Variants in TNR observed in about 807,000 individuals in gnomAD.
TNR encodes the protein tenascin R, also known as tenascin-R.
TNR carries 45 observed loss-of-function variants against 150.4 expected under a neutral mutation model. That is an observed-to-expected ratio of 0.30 (90% CI 0.24 to 0.38). The LOEUF (loss-of-function observed/expected upper bound fraction) is 0.38. Among genes scored for constraint, TNR ranks in the 10% least tolerant of loss-of-function variants. The pLI, the probability that TNR is intolerant of heterozygous loss-of-function variation, is 1.00. For missense variants in TNR, 1,544 were observed against 1,759.1 expected (o/e 0.88, Z 2.19); for synonymous variants, 687 against 678.4 (o/e 1.01, Z -0.20).
rs1664879723 is a variant in TNR, at chr1:175,649,057, G to A, written c.-165+94169C>T. ...TCCCCATAGCCGGAGGGATTGCAAAGCCAGGAGAGGCCATGCCCCTCCCTG... is the reference window on the plus strand; with the variant it reads ...TCCCCATAGCCGGAGGGATTGCAAAACCAGGAGAGGCCATGCCCCTCCCTG... On this transcript the variant is annotated intron_variant, in intron 1 of 22. Transcript: ENST00000367674. 2.0e-5 allele frequency among the ~76,000 whole-genome samples: 3 copies of A among 152,170 alleles called. No individual in the cohort carries two copies. The South Asian group carries it at 6.2e-4, about 32-fold the overall frequency.
At position 175,319,746 on chromosome 1, in the gene TNR, T is replaced by TTGGAGACGTGG. The variant is rs1648946121; in HGVS notation, c.*3610_*3611insCCACGTCTCCA. ...GTTTTCCTGAGTCCTGGTTTGGCTC[T>TTGGAGACGTGG]CCTGGAAACTTGGAGACGTGGCCTT... On this transcript the variant is annotated 3_prime_UTR_variant, in exon 23 of 23. Coordinates refer to ENST00000367674, the MANE Select transcript of TNR (RefSeq NM_003285.3). 6.6e-6 allele frequency: 1 copy of TTGGAGACGTGG among 152,288 alleles called. No individual in the cohort carries two copies. Among genetic ancestry groups the TTGGAGACGTGG allele is most frequent in the Non-Finnish European group, 1.5e-5 (1 of 68,052 alleles). 9.4% of individuals were successfully genotyped at this position (152,288 alleles called of 1,614,324 possible).
intron 2 of TNR, among the ~76,000 whole-genome samples, chr1:175,463,910 A>G (rs539580885): frequency 2.0e-5 from 3 of 152,368 alleles, no homozygotes; most frequent in East Asian, 1.9e-4. Flanking sequence ...AACCAACTCC[A>G]TTATCTGCTT....
intron 2 of TNR, among the ~76,000 whole-genome samples, chr1:175,451,247 T>A (rs1656303098): frequency 6.6e-6 from 1 of 151,052 alleles, no homozygotes; most frequent in Admixed American, 6.6e-5. Flanking sequence ...ATACTTTAAG[T>A]TCTAGGGTAC....
intron 8 of TNR, among the ~76,000 whole-genome samples, chr1:175,380,957 T>G (rs1652646742): frequency 1.3e-5 from 2 of 152,196 alleles, no homozygotes; most frequent in Admixed American, 6.5e-5. Context: ...TGAAATGCCG[T>G]GAATCAATGT....
At chr1:175,643,952 C>A (rs1300166526) in intron 1 of TNR, among the ~76,000 whole-genome samples, 1 of 152,176 alleles carries the variant, frequency 6.6e-6, no homozygotes, top group African/African-American at 2.4e-5. Flanking sequence ...TGCACACAGA[C>A]CACCCAGGAT....
chr1:175,741,482 A>G (rs1166569046), intron 1 of TNR, among the ~76,000 whole-genome samples: 1 of 152,156 alleles, frequency 6.6e-6, no homozygotes, highest in Non-Finnish European at 1.5e-5. Context: ...CTATCCACTC[A>G]CTTGTTCAAA....
intron 2 of TNR, among the ~76,000 whole-genome samples, chr1:175,445,709 C>G (rs1484914552): frequency 2.0e-5 from 3 of 152,142 alleles, no homozygotes; most frequent in Non-Finnish European, 4.4e-5. Flanking sequence ...AATGGAGAAC[C>G]AATATTTCCC....
rs1430452003 is a variant in TNR at position 175,319,770 on chromosome 1, T to C, written c.*3587A>G. ...CTCCTGGAAACTTGGAGACGTGGCCTTTCTCAACCCCGCTGACGTTTCACA... is the reference window on the plus strand; with the variant it reads ...CTCCTGGAAACTTGGAGACGTGGCCCTTCTCAACCCCGCTGACGTTTCACA... On this transcript the variant is annotated 3_prime_UTR_variant, in exon 23 of 23. Coordinates refer to ENST00000367674, the MANE Select transcript of TNR (RefSeq NM_003285.3). 4.6e-5 allele frequency: 7 copies of C among 152,240 alleles called. No individual in the cohort carries two copies. The highest frequency in any genetic ancestry group is 8.8e-5 in the Non-Finnish European group (6 of 68,044). 9.4% of individuals were successfully genotyped at this position (152,240 alleles called of 1,614,324 possible).
chr1:175,483,494 G>A (rs898621279), intron 2 of TNR, among the ~76,000 whole-genome samples: 1 of 152,186 alleles, frequency 6.6e-6, no homozygotes, highest in East Asian at 1.9e-4. Flanking sequence ...CTTCAGTATG[G>A]CTGGAACATG....
At chr1:175,523,809 T>C (rs537654032) in intron 2 of TNR, among the ~76,000 whole-genome samples, 1 of 152,312 alleles carries the variant, frequency 6.6e-6, no homozygotes, top group East Asian at 1.9e-4. Context: ...TTGTTCCCAT[T>C]GTTTGCAAGA....
chr1:175,525,185 C>A (rs1479541284), intron 2 of TNR, among the ~76,000 whole-genome samples: 1 of 152,180 alleles, frequency 6.6e-6, no homozygotes, highest in East Asian at 1.9e-4. Flanking sequence ...CTCCTTCCTG[C>A]CATCATGTGA....
intron 18 of TNR, among the ~76,000 whole-genome samples, chr1:175,353,851 A>ATTTTTTTTT (rs55981326): frequency 3.1e-4 from 46 of 146,206 alleles, no homozygotes; most frequent in African/African-American, 1.0e-3. Flanking sequence ...ATTTTTATTT[A>ATTTTTTTTT]TTTTTTTTTT....
chr1:175,430,684 T>C (rs1655224291), intron 2 of TNR, among the ~76,000 whole-genome samples: 1 of 152,210 alleles, frequency 6.6e-6, no homozygotes, highest in South Asian at 2.1e-4. Flanking sequence ...AGAACCTTCC[T>C]CCTTCAATGC....
At position 175,687,599 on chromosome 1, in the gene TNR, C is replaced by T. The variant is rs112038189; in HGVS notation, c.-165+55627G>A. Among the ~76,000 whole-genome samples, 1,321 of 152,218 alleles carry T rather than the reference C, an allele frequency of 8.7e-3. 27 individuals carry two copies. Among genetic ancestry groups the T allele is most frequent in the African/African-American group, 0.03 (1,260 of 41,520 alleles). ...AAACCTTTCTAGACATAGTTAACCC[C>T]GAAATGAAGAAGAGAGGTGGTATGC... On this transcript the variant is annotated intron_variant, in intron 1 of 22. Coordinates refer to ENST00000367674, the MANE Select transcript of TNR (RefSeq NM_003285.3).
At chr1:175,456,817 T>C (rs1374013024) in intron 2 of TNR, among the ~76,000 whole-genome samples, 3 of 152,154 alleles carry the variant, frequency 2.0e-5, no homozygotes, top group Non-Finnish European at 2.9e-5. Context: ...CTCTATTATA[T>C]CTTAAAAAAG....
chr1:175,656,141 AGTGTGTGTGTGTGTGTGTGTGTGTGTGT>A (rs575020723), intron 1 of TNR, among the ~76,000 whole-genome samples: 1 of 123,936 alleles, frequency 8.1e-6, no homozygotes, highest in Admixed American at 8.0e-5. Flanking sequence ...GGAAGGTTGA[AGTGTGTGTGTGTGTGTGTGTGTGTGTGT>A]GTGTGTGTGT....
Position 175,365,921 on chromosome 1 carries a change from C to G in TNR, c.2271G>C (p.Glu757Asp). Residue 757 changes from glutamate to aspartate, a missense_variant, in exon 11 of 23, where the codon GAG becomes GAC. Glu to Asp is a conservative substitution (Grantham distance 45). Transcript: ENST00000367674. Reference protein sequence around the residue: ...GAEYIISVTAERGRQQSLEST... With the variant: ...GAEYIISVTADRGRQQSLEST... ...ACTCCAAGCTCTGCTGCCGACCCCT[C>G]TCAGCAGTGACGGAAATGATGTACT... 1 of 1,614,096 alleles carries G rather than the reference C, an allele frequency of 6.2e-7. No individual in the cohort carries two copies. The highest frequency in any genetic ancestry group is 8.5e-7 in the Non-Finnish European group (1 of 1,179,970).
intron 1 of TNR, among the ~76,000 whole-genome samples, chr1:175,649,456 G>T (rs1053534693): frequency 2.6e-5 from 4 of 152,138 alleles, no homozygotes; most frequent in African/African-American, 7.2e-5. Flanking sequence ...GTTTGCTTAT[G>T]CAGTGTCCAG....
At chr1:175,678,058 T>C (rs1665916854) in intron 1 of TNR, among the ~76,000 whole-genome samples, 1 of 152,184 alleles carries the variant, frequency 6.6e-6, no homozygotes, top group Non-Finnish European at 1.5e-5. Context: ...GCATCAATTA[T>C]AAGACTTAAG....
Sources: gnomAD v4.1 joint callset for allele counts (sites outside exome capture counted in the v4.1 genomes callset) on GRCh38, gnomAD v4.1.1 for gene constraint, MANE v1.5 for transcripts, NCBI Gene and HGNC (gene_info 2026-07-23, HGNC 2026-07-21) for gene names.